RYR3: variants seen among roughly 807,000 people sequenced by gnomAD.
RYR3 encodes ryanodine receptor 3, also known as brain ryanodine receptor-calcium release channel.
In RYR3, 207 loss-of-function variants were observed where a neutral mutation model predicts 584.3. The ratio of observed to expected loss-of-function variants is 0.35; its 90% CI spans 0.32 to 0.40. The LOEUF (loss-of-function observed/expected upper bound fraction) is 0.40. Among genes scored for constraint, RYR3 ranks in the 10% least tolerant of loss-of-function variants. RYR3 has a pLI of 1.00. For synonymous variants in RYR3, 2,416 were observed against 2,248.5 expected (o/e 1.07, Z -2.11); for missense variants, 5,616 against 6,089.2 (o/e 0.92, Z 2.59).
chr15:33,687,260 C>T (rs1425634155), intron 38 of RYR3, among the ~76,000 whole-genome samples: 1 of 152,162 alleles, frequency 6.6e-6, no homozygotes, highest in African/African-American at 2.4e-5. Context: ...ACAAGCATTC[C>T]TATACACCAA....
intron 1 of RYR3, among the ~76,000 whole-genome samples, chr15:33,382,319 CTTT>C (rs34767570): frequency 5.7e-5 from 6 of 104,782 alleles, no homozygotes; most frequent in South Asian, 3.2e-4. Flanking sequence ...TTAAAAGTGG[CTTT>C]TTTTTTTTTT....
chr15:33,355,165 CAA>C (rs1418004157), intron 1 of RYR3, among the ~76,000 whole-genome samples: 1 of 120,294 alleles, frequency 8.3e-6, no homozygotes, highest in African/African-American at 3.3e-5. Context: ...GCCTGAGGGA[CAA>C]GAGTGAAACT....
intron 1 of RYR3, among the ~76,000 whole-genome samples, chr15:33,423,908 C>G (rs944754528): frequency 6.6e-6 from 1 of 152,102 alleles, no homozygotes; most frequent in Non-Finnish European, 1.5e-5. Flanking sequence ...AGTAAGAAAA[C>G]CCGTTGCTCT....
At chr15:33,554,751 G>T (rs1458351130) in intron 10 of RYR3, among the ~76,000 whole-genome samples, 1 of 152,000 alleles carries the variant, frequency 6.6e-6, no homozygotes, top group East Asian at 1.9e-4. Context: ...ATTTTTCCAT[G>T]GTCTTGACAT....
At chr15:33,465,246 G>GAT (rs35333422) in intron 1 of RYR3, among the ~76,000 whole-genome samples, 21,723 of 151,808 alleles carry the variant, frequency 0.14, 1,716 homozygotes, top group East Asian at 0.34. Context: ...TTTCTTTGGA[G>GAT]ATATATATAT....
chr15:33,390,730 C>T lies in RYR3; in HGVS notation c.51+79634C>T, dbSNP rs1051635935. On this transcript the variant is annotated intron_variant, in intron 1 of 103. Transcript: ENST00000634891. The surrounding 1 kb of genome is among the most constrained non-coding windows in gnomAD (Gnocchi z 4.2). ...AAACAATGTGATTTATGCCGAACAC[C>T]TGCTTAGTTCTGGGAATCTAGAAGA... 1.3e-5 allele frequency among the ~76,000 whole-genome samples: 2 copies of T among 152,090 alleles called. No homozygotes were observed. The highest frequency in any genetic ancestry group is 2.4e-5 in the African/African-American group (1 of 41,402).
chr15:33,342,401 T>C (rs962811432), intron 1 of RYR3, among the ~76,000 whole-genome samples: 10 of 152,228 alleles, frequency 6.6e-5, no homozygotes, highest in Non-Finnish European at 2.9e-5. Flanking sequence ...CTCAGATGAA[T>C]TGGGATTTAG....
intron 17 of RYR3, among the ~76,000 whole-genome samples, chr15:33,602,905 C>T (rs772344352): frequency 6.6e-6 from 1 of 151,904 alleles, no homozygotes; most frequent in Non-Finnish European, 1.5e-5. Flanking sequence ...ACCACCATAC[C>T]CAGCTAATTT....
At position 33,339,334 on chromosome 15, in the gene RYR3, C is replaced by T. The variant is rs563808318; in HGVS notation, c.51+28238C>T. 4.5e-4 allele frequency among the ~76,000 whole-genome samples: 68 copies of T among 152,200 alleles called. 1 individual carries two copies. In the South Asian group the frequency reaches 0.012, roughly 27 times the overall value. On this transcript the variant is annotated intron_variant, in intron 1 of 103. Transcript: ENST00000634891. ...ACGTTTTAGAAGGAAGACTTCTGCC[C>T]GTATTTTGGAGAGGATGAAAGACTA... is the stretch of plus-strand genomic sequence containing the variant.
At chr15:33,860,574 T>C in intron 100 of RYR3, 21 bp from the exon 101 acceptor site, 1 of 1,518,440 alleles carries the variant, frequency 6.6e-7, no homozygotes, top group Non-Finnish European at 9.0e-7. Context: ...GATTGCTTTG[T>C]CTTTGTATTT....
intron 98 of RYR3, among the ~76,000 whole-genome samples, chr15:33,855,228 C>T (rs1234916503): frequency 1.3e-5 from 2 of 151,302 alleles, no homozygotes; most frequent in South Asian, 2.1e-4. Context: ...GACGGTGTCT[C>T]GCTGTGTAGC....
At chr15:33,533,240 C>A in intron 4 of RYR3, 71 bp from the exon 5 acceptor site, 1 of 1,021,538 alleles carries the variant, frequency 9.8e-7, no homozygotes, top group Non-Finnish European at 1.5e-6. Flanking sequence ...TAACTAGAAG[C>A]TAACTAGTGG....
At chr15:33,544,588 G>A (rs2056096480) in intron 8 of RYR3, among the ~76,000 whole-genome samples, 1 of 152,194 alleles carries the variant, frequency 6.6e-6, no homozygotes, top group African/African-American at 2.4e-5. Context: ...AGCCAGAGCT[G>A]CTGACTCTCC....
At chr15:33,824,196 T>C (rs2077258076) in intron 81 of RYR3, among the ~76,000 whole-genome samples, 2 of 152,230 alleles carry the variant, frequency 1.3e-5, no homozygotes, top group South Asian at 4.1e-4. Context: ...AACAGTTCTC[T>C]CAGTATCCTG....
intron 43 of RYR3, among the ~76,000 whole-genome samples, chr15:33,712,589 T>C (rs1300573948): frequency 1.3e-5 from 2 of 152,178 alleles, no homozygotes; most frequent in African/African-American, 4.8e-5. Flanking sequence ...ACTAAGTAGA[T>C]TTGCAGTCCA....
At position 33,800,755 on chromosome 15, in the gene RYR3, T is replaced by C. The variant is rs374683921; in HGVS notation, c.9831-15T>C. On this transcript the variant is annotated splice_polypyrimidine_tract_variant and intron_variant, in intron 67 of 103. Transcript: ENST00000634891. Reference sequence around the variant, plus strand: ...ACTGAATTTCAAATGCCTGTTTATTTACTTTTGGACCCAGATCTAACTGGC... The same window carrying C: ...ACTGAATTTCAAATGCCTGTTTATTCACTTTTGGACCCAGATCTAACTGGC... The C allele has an allele frequency of 9.3e-5, 148 of 1,598,184 alleles. No individual in the cohort carries two copies. The African/African-American group carries it at 1.8e-3, about 20-fold the overall frequency.
intron 38 of RYR3, among the ~76,000 whole-genome samples, chr15:33,680,697 G>A (rs2152740029): frequency 6.6e-6 from 1 of 152,274 alleles, no homozygotes; most frequent in East Asian, 1.9e-4. Flanking sequence ...AATAAGTTTG[G>A]GTCATTTTAC....
intron 18 of RYR3, among the ~76,000 whole-genome samples, chr15:33,609,540 G>T (rs1338613386): frequency 2.6e-5 from 4 of 152,214 alleles, no homozygotes; most frequent in Non-Finnish European, 5.9e-5. Flanking sequence ...TGTAGTCCCA[G>T]TTACTTGGGG....
At chr15:33,579,075 A>G (rs904289946) in intron 12 of RYR3, among the ~76,000 whole-genome samples, 4 of 152,188 alleles carry the variant, frequency 2.6e-5, no homozygotes, top group African/African-American at 9.7e-5. Context: ...GAGGAACACA[A>G]CAGGGAGAGA....
Sources: allele counts gnomAD v4.1 joint callset (sites outside exome capture counted in the v4.1 genomes callset), GRCh38; gene constraint gnomAD v4.1.1; non-coding constraint Gnocchi (gnomAD v3.1); transcripts MANE v1.5; gene names NCBI Gene and HGNC (gene_info 2026-07-23, HGNC 2026-07-21).